MIPOL1: variants seen among roughly 807,000 people sequenced by gnomAD.
MIPOL1 encodes mirror-image polydactyly 1, also known as mirror-image polydactyly gene 1 protein.
MIPOL1 carries 57 observed loss-of-function variants against 60.9 expected under a neutral mutation model. That is an observed-to-expected ratio of 0.94 (90% CI 0.76 to 1.17). The LOEUF (loss-of-function observed/expected upper bound fraction) is 1.17. MIPOL1 is among the 50% of genes most tolerant of loss of function. The probability of loss-of-function intolerance (pLI) is 0.00; values close to 1 mark genes in which losing one functional copy is unlikely to be tolerated. For missense variants in MIPOL1, 551 were observed against 511.6 expected, an observed-to-expected ratio of 1.08 and a Z score of -0.74; for synonymous variants, 179 against 168.8, an observed-to-expected ratio of 1.06 and a Z score of -0.47.
At chr14:37,392,171 A>G (rs1475135775) in intron 10 of MIPOL1, among the ~76,000 whole-genome samples, 1 of 152,166 alleles carries the variant, frequency 6.6e-6, no homozygotes, top group Admixed American at 6.5e-5. Context: ...GAGAAATGAC[A>G]TCTTTACCAT....
intron 10 of MIPOL1, among the ~76,000 whole-genome samples, chr14:37,415,959 A>G (rs796538482): frequency 6.6e-6 from 1 of 152,220 alleles, no homozygotes; most frequent in African/African-American, 2.4e-5. Flanking sequence ...GAAGACCAGG[A>G]TTTGCCCCCT....
rs187665887 is a variant in MIPOL1, at chr14:37,530,990, G to C, written c.1263-15915G>C. Among the ~76,000 whole-genome samples the C allele has an allele frequency of 2.0e-5, 3 of 152,020 alleles. No homozygotes were observed. In the East Asian group the frequency reaches 5.8e-4, roughly 29 times the overall value. ...CCGCCCCCACGCCTGGCTAATTTTTGTATTTTTAGTAGAGACGGGGTTTCA... is the reference window on the plus strand; with the variant it reads ...CCGCCCCCACGCCTGGCTAATTTTTCTATTTTTAGTAGAGACGGGGTTTCA... On this transcript the variant is annotated intron_variant, in intron 12 of 12. Coordinates refer to ENST00000684589, the MANE Select transcript of MIPOL1 (RefSeq NM_001388067.1).
chr14:37,348,327 A>T (rs949738755), intron 9 of MIPOL1, among the ~76,000 whole-genome samples: 2 of 152,184 alleles, frequency 1.3e-5, no homozygotes, highest in Non-Finnish European at 2.9e-5. Flanking sequence ...TTGATAAAGG[A>T]TTTCTACTGA....
chr14:37,380,187 T>A (rs534499134), intron 10 of MIPOL1, among the ~76,000 whole-genome samples: 1 of 152,138 alleles, frequency 6.6e-6, no homozygotes, highest in East Asian at 1.9e-4. Context: ...GAGAAAGAAG[T>A]CAGTATATAA....
intron 7 of MIPOL1, among the ~76,000 whole-genome samples, chr14:37,300,287 G>A (rs937365834): frequency 2.7e-5 from 4 of 146,120 alleles, no homozygotes; most frequent in African/African-American, 1.0e-4. Flanking sequence ...TACATTATAT[G>A]TAATACTTTA....
intron 10 of MIPOL1, among the ~76,000 whole-genome samples, chr14:37,407,311 C>G (rs923351356): frequency 5.3e-5 from 8 of 152,170 alleles, no homozygotes; most frequent in Non-Finnish European, 1.0e-4. Context: ...TGCCACTGAC[C>G]TTTCTATATA....
At chr14:37,422,766 G>A in intron 10 of MIPOL1, 89 bp from the exon 11 acceptor site, 1 of 767,440 alleles carries the variant, frequency 1.3e-6, no homozygotes, top group South Asian at 2.0e-5. Context: ...TTAACTGTCA[G>A]TAATTTAAGA....
intron 11 of MIPOL1, among the ~76,000 whole-genome samples, chr14:37,482,721 A>C (rs1433352659): frequency 6.6e-6 from 1 of 152,182 alleles, no homozygotes; most frequent in Non-Finnish European, 1.5e-5. Flanking sequence ...CCTGAATTGC[A>C]ATTCAAGATG....
chr14:37,312,817 C>A (rs905277893), intron 9 of MIPOL1, among the ~76,000 whole-genome samples: 1 of 152,064 alleles, frequency 6.6e-6, no homozygotes, highest in African/African-American at 2.4e-5. Flanking sequence ...TTGGCCAATT[C>A]ACACTTTCCT....
intron 9 of MIPOL1, among the ~76,000 whole-genome samples, chr14:37,325,273 G>C (rs757661307): frequency 7.9e-5 from 12 of 151,710 alleles, no homozygotes; most frequent in African/African-American, 2.9e-4. Context: ...GTTTACCCTC[G>C]TCTTTTTGAT....
At chr14:37,209,591 C>T (rs1042885200) in intron 1 of MIPOL1, among the ~76,000 whole-genome samples, 45 of 152,232 alleles carry the variant, frequency 3.0e-4, no homozygotes, top group Admixed American at 2.2e-3. Flanking sequence ...ACCCAGGAGG[C>T]GGAGGTTGCA....
intron 12 of MIPOL1, among the ~76,000 whole-genome samples, chr14:37,520,829 G>A (rs1230912358): frequency 1.3e-5 from 2 of 150,820 alleles, no homozygotes; most frequent in Admixed American, 1.3e-4. Flanking sequence ...TGGGTTTAGG[G>A]ACTGAATATA....
chr14:37,429,407 T>A (rs988224894), intron 11 of MIPOL1, among the ~76,000 whole-genome samples: 1 of 152,160 alleles, frequency 6.6e-6, no homozygotes, highest in African/African-American at 2.4e-5. Flanking sequence ...ATTTTTATTA[T>A]ATTTTGTGTG....
intron 7 of MIPOL1, among the ~76,000 whole-genome samples, chr14:37,302,802 A>G (rs1435666962): frequency 6.6e-6 from 1 of 151,862 alleles, no homozygotes; most frequent in Non-Finnish European, 1.5e-5. Flanking sequence ...CTATATGTTA[A>G]TCCCTTTGTC....
At chr14:37,375,037 T>A (rs1217196085) in intron 10 of MIPOL1, among the ~76,000 whole-genome samples, 4 of 152,168 alleles carry the variant, frequency 2.6e-5, no homozygotes, top group African/African-American at 9.7e-5. Context: ...TTCCATTTAT[T>A]TGTGTCCTCT....
chr14:37,371,135 T>C (rs2092626002), intron 10 of MIPOL1, among the ~76,000 whole-genome samples: 4 of 151,994 alleles, frequency 2.6e-5, no homozygotes, highest in Admixed American at 2.6e-4. Context: ...TTTTTTTTTT[T>C]TTTTGAGACA....
chr14:37,210,218 A>G (rs1246147839), intron 1 of MIPOL1, among the ~76,000 whole-genome samples: 1 of 151,632 alleles, frequency 6.6e-6, no homozygotes, highest in African/African-American at 2.4e-5. Flanking sequence ...TTCAATTCTG[A>G]CACTGTGTAC....
chr14:37,455,809 T>G (rs570033084), intron 11 of MIPOL1, among the ~76,000 whole-genome samples: 3 of 152,154 alleles, frequency 2.0e-5, no homozygotes, highest in African/African-American at 7.2e-5. Context: ...ATTTTTTTCT[T>G]CATGCACTTT....
intron 10 of MIPOL1, among the ~76,000 whole-genome samples, chr14:37,376,284 G>A (rs1445804527): frequency 6.6e-6 from 1 of 152,136 alleles, no homozygotes; most frequent in East Asian, 1.9e-4. Flanking sequence ...AGTCATTATA[G>A]TATCATGCAG....
Sources: allele counts gnomAD v4.1 joint callset (sites outside exome capture counted in the v4.1 genomes callset), GRCh38; gene constraint gnomAD v4.1.1; transcripts MANE v1.5; gene names NCBI Gene and HGNC (gene_info 2026-07-23, HGNC 2026-07-21).